The following EXT1 variants were observed in gnomAD, a reference collection of about 807,000 sequenced individuals.
The protein encoded by EXT1 is exostosin-1.
In EXT1, 20 loss-of-function variants were observed where a neutral mutation model predicts 82.5. The ratio of observed to expected loss-of-function variants is 0.24; its 90% CI spans 0.17 to 0.35. The LOEUF is 0.35. Ranked by LOEUF, EXT1 falls within the 10% of genes least tolerant of loss-of-function variation. EXT1 has a pLI of 1.00. For missense variants in EXT1, 757 were observed against 936.5 expected, an observed-to-expected ratio of 0.81 and a Z score of 2.50; for synonymous variants, 348 against 350.8, an observed-to-expected ratio of 0.99 and a Z score of 0.09.
At chr8:118,020,157 C>T (rs568269220) in intron 1 of EXT1, among the ~76,000 whole-genome samples, 2 of 152,228 alleles carry the variant, frequency 1.3e-5, no homozygotes, top group Middle Eastern at 3.4e-3. Context: ...TATAAAAATG[C>T]TTGTCTGGAA....
intron 1 of EXT1, among the ~76,000 whole-genome samples, chr8:118,040,183 C>T (rs151291500): frequency 6.6e-6 from 1 of 152,058 alleles, no homozygotes; most frequent in Non-Finnish European, 1.5e-5. Context: ...TTCAAAAAAG[C>T]CTGCTGGCCT....
intron 1 of EXT1, among the ~76,000 whole-genome samples, chr8:117,850,515 C>G (rs1425486593): frequency 6.6e-6 from 1 of 152,056 alleles, no homozygotes; most frequent in African/African-American, 2.4e-5. Context: ...CTTTTTTTCC[C>G]TGCTTAAAGG....
At chr8:118,019,714 G>A (rs1586346822) in intron 1 of EXT1, among the ~76,000 whole-genome samples, 1 of 152,152 alleles carries the variant, frequency 6.6e-6, no homozygotes, top group South Asian at 2.1e-4. Context: ...TTAAGCACTC[G>A]CTATGTATTA....
intron 1 of EXT1, among the ~76,000 whole-genome samples, chr8:118,064,955 C>G (rs558638485): frequency 2.0e-5 from 3 of 151,000 alleles, no homozygotes; most frequent in Admixed American, 6.6e-5. Context: ...CAGATTCAAG[C>G]GATTCTCCTG....
chr8:117,829,856 C>G (rs1812069273), intron 4 of EXT1, among the ~76,000 whole-genome samples: 1 of 152,044 alleles, frequency 6.6e-6, no homozygotes, highest in South Asian at 2.1e-4. Context: ...CAGGAGTGAG[C>G]CGCTGTGCCA....
At chr8:118,089,873 C>G (rs1817491161) in intron 1 of EXT1, among the ~76,000 whole-genome samples, 1 of 152,046 alleles carries the variant, frequency 6.6e-6, no homozygotes, top group Non-Finnish European at 1.5e-5. Flanking sequence ...TGTGCAAGCA[C>G]AAGCCTTCAG....
At chr8:118,006,382 A>G (rs1292821375) in intron 1 of EXT1, among the ~76,000 whole-genome samples, 1 of 152,180 alleles carries the variant, frequency 6.6e-6, no homozygotes, top group Admixed American at 6.5e-5. Context: ...GAGTACCACT[A>G]AAGGAGTATA....
intron 1 of EXT1, among the ~76,000 whole-genome samples, chr8:118,057,851 T>C (rs946955821): frequency 6.6e-6 from 1 of 150,984 alleles, no homozygotes; most frequent in Non-Finnish European, 1.5e-5. Context: ...CAGGCGCCTG[T>C]AGTCCCAGCT....
At chr8:117,973,573 A>C (rs1238621275) in intron 1 of EXT1, among the ~76,000 whole-genome samples, 1 of 152,088 alleles carries the variant, frequency 6.6e-6, no homozygotes, top group African/African-American at 2.4e-5. Flanking sequence ...GTTCAAGATC[A>C]GTCTGGGCAA....
intron 1 of EXT1, among the ~76,000 whole-genome samples, chr8:118,001,474 C>G (rs866314334): frequency 1.3e-5 from 2 of 151,894 alleles, no homozygotes; most frequent in African/African-American, 4.8e-5. Flanking sequence ...CATGAGTCAC[C>G]GCGCCCGGCC....
intron 1 of EXT1, among the ~76,000 whole-genome samples, chr8:117,881,135 G>A (rs1813052583): frequency 6.6e-6 from 1 of 152,040 alleles, no homozygotes; most frequent in African/African-American, 2.4e-5. Flanking sequence ...GTAAACTATG[G>A]TTCATGCATT....
intron 1 of EXT1, among the ~76,000 whole-genome samples, chr8:117,947,461 C>T (rs2129687102): frequency 6.6e-6 from 1 of 152,232 alleles, no homozygotes; most frequent in Non-Finnish European, 1.5e-5. Context: ...GTGCTGGCAC[C>T]ACAAATTGTC....
intron 1 of EXT1, among the ~76,000 whole-genome samples, chr8:118,090,643 G>T (rs910338088): frequency 3.3e-5 from 5 of 151,598 alleles, no homozygotes; most frequent in Non-Finnish European, 7.4e-5. Context: ...ACTGCGCATG[G>T]TGGCGGGTGC....
chr8:117,814,263 G>GTGT (rs1586993934), intron 7 of EXT1, among the ~76,000 whole-genome samples: 2 of 148,942 alleles, frequency 1.3e-5, no homozygotes, highest in Non-Finnish European at 1.5e-5. Context: ...GTGTGTGTGT[G>GTGT]GTGGGGGCTT....
rs186609104 is a variant in EXT1 at position 117,871,907 on chromosome 8, T to C, written c.963-34706A>G. Among the ~76,000 whole-genome samples, 370 of 152,260 alleles carry C rather than the reference T, an allele frequency of 2.4e-3. 3 individuals carry two copies. Among genetic ancestry groups the C allele is most frequent in the African/African-American group, 8.2e-3 (340 of 41,552 alleles). ...TGGGAGGCTGAGGCAAGACGATCAC[T>C]GGAGTCCAGGAGTTTGAGACCAGCC... On this transcript the variant is annotated intron_variant, in intron 1 of 10. Coordinates refer to ENST00000378204, the MANE Select transcript of EXT1 (RefSeq NM_000127.3).
intron 8 of EXT1, among the ~76,000 whole-genome samples, chr8:117,811,550 A>C: frequency 6.6e-6 from 1 of 151,984 alleles, no homozygotes; most frequent in Non-Finnish European, 1.5e-5. Context: ...TCCTGGGATT[A>C]TTTAGGTTGC....
chr8:117,822,358 T>C, intron 5 of EXT1, 107 bp downstream of exon 5: 1 of 1,255,100 alleles, frequency 8.0e-7, no homozygotes, highest in Non-Finnish European at 1.1e-6. Flanking sequence ...CAATCTTCAA[T>C]GCAGGGTGTT....
intron 1 of EXT1, among the ~76,000 whole-genome samples, chr8:118,049,735 CT>C (rs1359925953): frequency 6.6e-6 from 1 of 152,186 alleles, no homozygotes; most frequent in Non-Finnish European, 1.5e-5. Flanking sequence ...GAAGCTTTTT[CT>C]TTCTTTCTGG....
intron 1 of EXT1, among the ~76,000 whole-genome samples, chr8:118,079,814 A>G (rs146920239): frequency 3.9e-5 from 6 of 152,306 alleles, no homozygotes; most frequent in South Asian, 4.1e-4. Context: ...CATGAACCAC[A>G]TTGGATGTAG....
Sources: allele counts gnomAD v4.1 joint callset (sites outside exome capture counted in the v4.1 genomes callset), GRCh38; gene constraint gnomAD v4.1.1; transcripts MANE v1.5; gene names NCBI Gene and HGNC (gene_info 2026-07-23, HGNC 2026-07-21).